The following CSMD1 variants were observed in gnomAD, a reference collection of about 807,000 sequenced individuals.
The protein encoded by CSMD1 is CUB and Sushi multiple domains 1.
CSMD1 carries 213 observed loss-of-function variants against 417.5 expected under a neutral mutation model. The ratio of observed to expected loss-of-function variants is 0.51; its 90% CI spans 0.46 to 0.57. The LOEUF is 0.57. Among genes scored for constraint, CSMD1 ranks in the 20% least tolerant of loss-of-function variants. The pLI is 0.00. For missense variants in CSMD1, 6,923 were observed against 4,529.7 expected (o/e 1.53, Z -15.17); for synonymous variants, 2,862 against 1,736.8 (o/e 1.65, Z -16.11).
intron 12 of CSMD1, among the ~76,000 whole-genome samples, chr8:3,413,820 G>A (rs895797627): frequency 6.6e-6 from 1 of 152,068 alleles, no homozygotes; most frequent in Admixed American, 6.6e-5. Context: ...CTATGTCAGA[G>A]ACGATTTTAA....
In CSMD1 at chr8:2,942,541, G is replaced by A. The variant is rs755659271; in HGVS notation, c.10466C>T (p.Ala3489Val). 84 of 1,609,304 alleles carry A rather than the reference G, an allele frequency of 5.2e-5. No individual in the cohort carries two copies. Among genetic ancestry groups the A allele is most frequent in the Middle Eastern group, 1.6e-4 (1 of 6,078 alleles). ...AAAGAAAGGAACCAGAATGGCAGCCGCCACAGAGCCACTGCTGGTGCCGTG... is the reference window on the plus strand; with the variant it reads ...AAAGAAAGGAACCAGAATGGCAGCCACCACAGAGCCACTGCTGGTGCCGTG... ...HYHGTSSGSV[A>V]AAILVPFFAL... The change falls in exon 69 of 70, where the codon GCG (alanine) becomes GTG (valine). Residue 3489 changes from alanine to valine, a missense_variant. By Grantham distance (64) the Ala-to-Val change is moderately conservative. Coordinates refer to ENST00000635120, the MANE Select transcript of CSMD1 (RefSeq NM_033225.6).
chr8:4,540,672 G>A (rs1315844660), intron 2 of CSMD1, among the ~76,000 whole-genome samples: 3 of 152,178 alleles, frequency 2.0e-5, no homozygotes, highest in African/African-American at 7.2e-5. Flanking sequence ...GGTCAGGAAA[G>A]GCTTCTTGGA....
chr8:3,584,362 T>C (rs1428781193), intron 9 of CSMD1, among the ~76,000 whole-genome samples: 1 of 152,104 alleles, frequency 6.6e-6, no homozygotes. Context: ...AAAAAAGTGT[T>C]CTCTTCCAAA....
At position 4,940,760 on chromosome 8, in the gene CSMD1, T is replaced by C. The variant is rs540858536; in HGVS notation, c.85+53572A>G. 2.6e-5 allele frequency among the ~76,000 whole-genome samples: 4 copies of C among 152,306 alleles called. No individual in the cohort carries two copies. The East Asian group carries it at 7.7e-4, about 29-fold the overall frequency. On this transcript the variant is annotated intron_variant, in intron 1 of 69. Transcript: ENST00000635120. ...GGGTAGCAGCACAGGTGGTAATGCTTCAACATAGAAAATGAGGGGGCAAAA... is the reference window on the plus strand; with the variant it reads ...GGGTAGCAGCACAGGTGGTAATGCTCCAACATAGAAAATGAGGGGGCAAAA...
chr8:3,738,929 T>G (rs78364798), intron 6 of CSMD1, among the ~76,000 whole-genome samples: 26,705 of 152,132 alleles, frequency 0.18, 2,420 homozygotes, highest in East Asian at 0.29. Flanking sequence ...CCCTCTGTCC[T>G]TGCTGAATGC....
At chr8:3,667,363 T>C (rs536480258) in intron 7 of CSMD1, among the ~76,000 whole-genome samples, 14 of 152,174 alleles carry the variant, frequency 9.2e-5, no homozygotes, top group South Asian at 2.1e-4. Context: ...GTCATGGAGA[T>C]GACATTTGAG....
At chr8:3,024,989 T>C (rs1055694182) in intron 51 of CSMD1, among the ~76,000 whole-genome samples, 5 of 151,758 alleles carry the variant, frequency 3.3e-5, no homozygotes, top group Non-Finnish European at 7.4e-5. Flanking sequence ...TCTAAAACTG[T>C]GTATTGTGTG....
intron 12 of CSMD1, among the ~76,000 whole-genome samples, chr8:3,443,939 C>A (rs1815148441): frequency 1.3e-5 from 2 of 152,264 alleles, no homozygotes; most frequent in South Asian, 2.1e-4. Flanking sequence ...CCACCTTTAT[C>A]AGAGTTACTG....
At chr8:4,389,991 T>C (rs1430445) in intron 3 of CSMD1, among the ~76,000 whole-genome samples, 125,088 of 152,190 alleles carry the variant, frequency 0.82, 51,759 homozygotes, top group African/African-American at 0.88. Context: ...TTAGGAATAT[T>C]TTTTAACTTT....
chr8:3,771,108 A>G (rs1161703366), intron 5 of CSMD1, among the ~76,000 whole-genome samples: 1 of 152,046 alleles, frequency 6.6e-6, no homozygotes, highest in East Asian at 1.9e-4. Flanking sequence ...AGGATCTTGA[A>G]AAACTGTATC....
intron 5 of CSMD1, among the ~76,000 whole-genome samples, chr8:3,953,992 G>C (rs1013608994): frequency 6.6e-6 from 1 of 152,174 alleles, no homozygotes; most frequent in Non-Finnish European, 1.5e-5. Context: ...TCCTCTGGTG[G>C]TGATGCCTCC....
intron 7 of CSMD1, among the ~76,000 whole-genome samples, chr8:3,618,907 C>A (rs368275421): frequency 2.0e-5 from 3 of 152,146 alleles, no homozygotes. Flanking sequence ...GCTGGCAGCA[C>A]GATGGTCGCT....
intron 5 of CSMD1, among the ~76,000 whole-genome samples, chr8:3,814,292 C>T (rs539481826): frequency 6.6e-6 from 1 of 152,264 alleles, no homozygotes; most frequent in African/African-American, 2.4e-5. Context: ...AATCTTGAGT[C>T]ATTTGTTCTT....
At chr8:3,807,494 T>C (rs1008098849) in intron 5 of CSMD1, among the ~76,000 whole-genome samples, 2 of 152,194 alleles carry the variant, frequency 1.3e-5, no homozygotes, top group Admixed American at 6.5e-5. Context: ...CTTTGAAACA[T>C]GAATGCAGCA....
chr8:4,798,188 G>A (rs976324625), intron 1 of CSMD1, among the ~76,000 whole-genome samples: 5 of 152,034 alleles, frequency 3.3e-5, no homozygotes, highest in Non-Finnish European at 7.3e-5. Flanking sequence ...ACAGGCCCCG[G>A]TGTGTGATGT....
chr8:4,037,152 C>T (rs1416393482), intron 3 of CSMD1, among the ~76,000 whole-genome samples: 1 of 152,188 alleles, frequency 6.6e-6, no homozygotes, highest in Non-Finnish European at 1.5e-5. Flanking sequence ...ATGTAGAGCT[C>T]ACATGTGTGT....
Position 3,839,261 on chromosome 8 carries a change from A to C in CSMD1, c.819-85219T>G, listed in dbSNP as rs544010090. On this transcript the variant is annotated intron_variant, in intron 5 of 69. Transcript: ENST00000635120. Reference sequence around the variant, plus strand: ...TATATACTATTAATATATATTACTTATATATACTATTAATATATAATATTA... The same window carrying C: ...TATATACTATTAATATATATTACTTCTATATACTATTAATATATAATATTA... Among the ~76,000 whole-genome samples, 13 of 124,814 alleles carry C rather than the reference A, an allele frequency of 1.0e-4. No homozygotes were observed. The East Asian group carries it at 2.9e-3, about 28-fold the overall frequency. 81.9% of individuals were successfully genotyped at this position (124,814 alleles called of 152,430 possible). A position where few individuals can be genotyped will look rare whatever the true frequency, so the allele number is the denominator to read the frequency against.
At chr8:4,011,493 C>G (rs930592979) in intron 4 of CSMD1, among the ~76,000 whole-genome samples, 2 of 152,068 alleles carry the variant, frequency 1.3e-5, no homozygotes, top group African/African-American at 4.8e-5. Context: ...CTCTCTTGAA[C>G]CCACTTGAGT....
At chr8:3,860,371 G>A (rs1270531669) in intron 5 of CSMD1, among the ~76,000 whole-genome samples, 1 of 152,006 alleles carries the variant, frequency 6.6e-6, no homozygotes, top group Non-Finnish European at 1.5e-5. Context: ...TTTATTTTAT[G>A]ATATATTAAA....
Sources: gnomAD v4.1 joint callset for allele counts (sites outside exome capture counted in the v4.1 genomes callset) on GRCh38, gnomAD v4.1.1 for gene constraint, MANE v1.5 for transcripts, NCBI Gene and HGNC (gene_info 2026-07-23, HGNC 2026-07-21) for gene names.